The following CDNF variants were observed in gnomAD, a reference collection of about 807,000 sequenced individuals.
CDNF encodes the protein cerebral dopamine neurotrophic factor.
In CDNF, 9 loss-of-function variants were observed where a neutral mutation model predicts 14.8. The ratio of observed to expected loss-of-function variants is 0.61; its 90% CI spans 0.37 to 1.06. The LOEUF is 1.06. Ranked by LOEUF, CDNF falls within the 50% of genes least tolerant of loss-of-function variation. The pLI, the probability that CDNF is intolerant of heterozygous loss-of-function variation, is 0.01. For synonymous variants in CDNF, 86 were observed against 87.2 expected, an observed-to-expected ratio of 0.99 and a Z score of 0.07; for missense variants, 228 against 228.4, an observed-to-expected ratio of 1.00 and a Z score of 0.01.
intron 3 of CDNF, among the ~76,000 whole-genome samples, chr10:14,821,431 C>T (rs1269923991): frequency 3.3e-5 from 5 of 152,166 alleles, no homozygotes; most frequent in Non-Finnish European, 7.3e-5. Context: ...GCCAATAGTT[C>T]TTTACAGCAA....
chr10:14,823,521 T>G (rs2131621949), intron 3 of CDNF, among the ~76,000 whole-genome samples: 1 of 152,306 alleles, frequency 6.6e-6, no homozygotes, highest in Middle Eastern at 3.4e-3. Context: ...CTTTTATTTA[T>G]TTTTATTTTA....
At chr10:14,837,515 G>A (rs1833902808) in intron 1 of CDNF, among the ~76,000 whole-genome samples, 1 of 152,242 alleles carries the variant, frequency 6.6e-6, no homozygotes, top group African/African-American at 2.4e-5. Context: ...CTGGTTGGAA[G>A]CAGCAGAATC....
At chr10:14,821,445 G>A (rs1181795663) in intron 3 of CDNF, among the ~76,000 whole-genome samples, 3 of 152,112 alleles carry the variant, frequency 2.0e-5, no homozygotes, top group South Asian at 2.1e-4. Flanking sequence ...ACAGCAATGC[G>A]GGAACAGACT....
At chr10:14,837,047 G>T (rs1833896455) in intron 1 of CDNF, among the ~76,000 whole-genome samples, 1 of 152,122 alleles carries the variant, frequency 6.6e-6, no homozygotes, top group African/African-American at 2.4e-5. Flanking sequence ...TGTTCACTAG[G>T]GATATATTTT....
chr10:14,833,004 C>T (rs1399536741), intron 1 of CDNF, among the ~76,000 whole-genome samples: 3 of 151,422 alleles, frequency 2.0e-5, no homozygotes, highest in East Asian at 3.9e-4. Context: ...GGATTACAGG[C>T]GCATGTCACC....
intron 1 of CDNF, among the ~76,000 whole-genome samples, chr10:14,831,601 T>C (rs1420405985): frequency 6.6e-6 from 1 of 150,812 alleles, no homozygotes; most frequent in African/African-American, 2.4e-5. Context: ...CAAGATGGAG[T>C]CTCGCTCTGT....
intron 2 of CDNF, 80 bp downstream of exon 2, chr10:14,828,065 G>A: frequency 7.1e-7 from 1 of 1,416,630 alleles, no homozygotes; most frequent in Non-Finnish European, 9.8e-7. Flanking sequence ...GTAAGTAGGA[G>A]GACTTCACGT....
At chr10:14,831,836 AG>A (rs1235193381) in intron 1 of CDNF, among the ~76,000 whole-genome samples, 1 of 152,166 alleles carries the variant, frequency 6.6e-6, no homozygotes, top group Non-Finnish European at 1.5e-5. Flanking sequence ...GGCTTCCCAA[AG>A]TGCTGGGATT....
At chr10:14,820,462 C>T (rs928044261) in intron 3 of CDNF, among the ~76,000 whole-genome samples, 27 of 152,222 alleles carry the variant, frequency 1.8e-4, no homozygotes, top group African/African-American at 4.8e-4. Flanking sequence ...CACGGTGGCT[C>T]ATGCCTGTAA....
chr10:14,824,821 T>C (rs1381162101), intron 3 of CDNF, among the ~76,000 whole-genome samples: 1 of 152,130 alleles, frequency 6.6e-6, no homozygotes, highest in Non-Finnish European at 1.5e-5. Context: ...GAATAGGTAC[T>C]AGTTTTGTTT....
chr10:14,830,318 A>C (rs1833834585), intron 1 of CDNF, among the ~76,000 whole-genome samples: 1 of 152,124 alleles, frequency 6.6e-6, no homozygotes, highest in Non-Finnish European at 1.5e-5. Flanking sequence ...GGTTCGGTTT[A>C]TGTTCTATGT....
At chr10:14,821,464 T>C (rs550358198) in intron 3 of CDNF, among the ~76,000 whole-genome samples, 2 of 152,284 alleles carry the variant, frequency 1.3e-5, no homozygotes, top group Non-Finnish European at 2.9e-5. Context: ...CTAATACAAA[T>C]AGCATTTTCA....
chr10:14,822,603 C>T (rs1456901454), intron 3 of CDNF, among the ~76,000 whole-genome samples: 2 of 151,898 alleles, frequency 1.3e-5, no homozygotes, highest in East Asian at 1.9e-4. Context: ...TGCCCCTCCC[C>T]GCTTGTCCGG....
At chr10:14,826,049 GAAGAA>G (rs1564313335) in intron 2 of CDNF, among the ~76,000 whole-genome samples, 11 of 124,582 alleles carry the variant, frequency 8.8e-5, no homozygotes, top group Non-Finnish European at 1.8e-4. Context: ...AGAAGAAGAA[GAAGAA>G]GAAGAAGAAG....
chr10:14,826,053 A>G (rs1056909495), intron 2 of CDNF, among the ~76,000 whole-genome samples: 43 of 130,614 alleles, frequency 3.3e-4, no homozygotes, highest in East Asian at 1.7e-3. Context: ...GAAGAAGAAG[A>G]AGAAGAAGAA....
chr10:14,826,131 G>GAGAAGGAGAAGGAGAAGGAGAAGA (rs1394292269), intron 2 of CDNF, among the ~76,000 whole-genome samples: 2 of 103,118 alleles, frequency 1.9e-5, no homozygotes, highest in African/African-American at 4.2e-5. Flanking sequence ...GCAGAAGCAG[G>GAGAAGGAGAAGGAGAAGGAGAAGA]AGAAGGAGAA....
chr10:14,826,170 A>C lies in CDNF; in HGVS notation c.244-550T>G, dbSNP rs981033581. Among the ~76,000 whole-genome samples, 97 of 147,274 alleles carry C rather than the reference A, an allele frequency of 6.6e-4. 5 individuals are homozygous for C. The highest frequency in any genetic ancestry group is 2.3e-3 in the African/African-American group (85 of 37,702). On this transcript the variant is annotated intron_variant, in intron 2 of 3. Coordinates refer to ENST00000465530, the MANE Select transcript of CDNF (RefSeq NM_001029954.3). ...GAAGGAGAAGAAGAAGAAGAAGCAGAAGCAGCAGCAGAAGCAGAAGCAGCA... is the reference window on the plus strand; with the variant it reads ...GAAGGAGAAGAAGAAGAAGAAGCAGCAGCAGCAGCAGAAGCAGAAGCAGCA...
rs1294616661 is a variant in CDNF at position 14,838,010 on chromosome 10, G to A, written c.-64C>T. 5 of 1,226,692 alleles carry A rather than the reference G, an allele frequency of 4.1e-6. No individual in the cohort carries two copies. The highest frequency in any genetic ancestry group is 2.6e-5 in the South Asian group (2 of 77,168). The allele number at this position is 1,226,692 out of a possible 1,614,324, so 76.0% of individuals were successfully genotyped here. A position where few individuals can be genotyped will look rare whatever the true frequency, so the allele number is the denominator to read the frequency against. ...CCACCGCCCACCAAGCTGCCAAAGC[G>A]AGCTGAGCAGAATTCGAGGTTGGAA... On this transcript the variant is annotated 5_prime_UTR_variant, in exon 1 of 4. Coordinates refer to ENST00000465530, the MANE Select transcript of CDNF (RefSeq NM_001029954.3).
At chr10:14,821,870 A>G (rs990635187) in intron 3 of CDNF, among the ~76,000 whole-genome samples, 3 of 152,244 alleles carry the variant, frequency 2.0e-5, no homozygotes, top group Admixed American at 2.0e-4. Context: ...TTTGCGGCCA[A>G]CTTGAAACCC....
Sources: gnomAD v4.1 joint callset for allele counts (sites outside exome capture counted in the v4.1 genomes callset) on GRCh38, gnomAD v4.1.1 for gene constraint, MANE v1.5 for transcripts, NCBI Gene and HGNC (gene_info 2026-07-23, HGNC 2026-07-21) for gene names.